The following TCTN1 variants were observed in gnomAD, a reference collection of about 807,000 sequenced individuals.
TCTN1 encodes tectonic-1.
A neutral mutation model predicts 65.8 loss-of-function variants in TCTN1; 58 were observed. That is an observed-to-expected ratio of 0.88 (90% confidence interval 0.71 to 1.10). The LOEUF is 1.10. Among genes scored for constraint, TCTN1 ranks in the 50% least tolerant of loss-of-function variants. The pLI is 0.00. For synonymous variants in TCTN1, 273 were observed against 289.1 expected (o/e 0.94, Z 0.57); for missense variants, 645 against 719.4 (o/e 0.90, Z 1.18).
At position 110,626,379 on chromosome 12, in the gene TCTN1, G is replaced by A. The variant is rs2065842339; in HGVS notation, c.359G>A (p.Cys120Tyr). 1 of 1,590,054 alleles carries A rather than the reference G, an allele frequency of 6.3e-7. No individual in the cohort carries two copies. The change falls in exon 3 of 15, where the codon TGT becomes TAT. Residue 120 changes from cysteine to tyrosine, a missense_variant. By Grantham distance (194) the Cys-to-Tyr change is radical (BLOSUM62 -2). Coordinates refer to ENST00000397659, the MANE Select transcript of TCTN1 (RefSeq NM_001082538.3). ...ATTTTCAGGGGCGACAGCCAGTTTTGTAGTCAAAAAGCAGTCATCTATTCA... is the reference window on the plus strand; with the variant it reads ...ATTTTCAGGGGCGACAGCCAGTTTTATAGTCAAAAAGCAGTCATCTATTCA... ...VPVVTGDSQF[C>Y]SQKAVIYSLN... is the part of the protein sequence containing the mutation.
intron 1 of TCTN1, among the ~76,000 whole-genome samples, chr12:110,618,348 C>T (rs1483814166): frequency 1.3e-5 from 2 of 152,110 alleles, no homozygotes; most frequent in Admixed American, 1.3e-4. Flanking sequence ...TCACGCCATT[C>T]TCCCGCCTCA....
rs1565997827 is a variant in TCTN1 at position 110,640,124 on chromosome 12, AC to A, written c.844-258del. Among the ~76,000 whole-genome samples the A allele has an allele frequency of 6.6e-6, 1 of 152,236 alleles. No individual in the cohort carries two copies. The highest frequency in any genetic ancestry group is 1.5e-5 in the Non-Finnish European group (1 of 68,038). ...ATAGTGCAGCTGTGAACATTTGTGT[AC>A]AAGTTTTTGTGTAAACTTTATGTTT... On this transcript the variant is annotated intron_variant, in intron 7 of 14. Transcript: ENST00000397659. This position sits in a 1 kb window ranked among gnomAD's most constrained non-coding sequence, Gnocchi z 4.9.
At chr12:110,643,487 A>G (rs543540296) in intron 11 of TCTN1, 1 of 152,156 alleles carries the variant, frequency 6.6e-6, no homozygotes, top group South Asian at 2.1e-4. Flanking sequence ...TCTACCCCCA[A>G]ATCTTGAAAT....
chr12:110,631,852 C>T (rs970801534), intron 4 of TCTN1, among the ~76,000 whole-genome samples: 16 of 152,062 alleles, frequency 1.1e-4, no homozygotes, highest in Non-Finnish European at 1.9e-4. Context: ...AATATTGATA[C>T]CAGATTGCCC....
intron 2 of TCTN1, among the ~76,000 whole-genome samples, chr12:110,624,726 T>C (rs2135957644): frequency 6.6e-6 from 1 of 152,184 alleles, no homozygotes; most frequent in East Asian, 1.9e-4. Flanking sequence ...TACAGGCACA[T>C]GCCACCACGC....
intron 2 of TCTN1, among the ~76,000 whole-genome samples, chr12:110,620,325 G>A (rs1287858692): frequency 1.3e-5 from 2 of 151,860 alleles, no homozygotes; most frequent in African/African-American, 4.8e-5. Flanking sequence ...GGAGAATGGC[G>A]TGAACCCGGG....
intron 5 of TCTN1, among the ~76,000 whole-genome samples, chr12:110,633,201 A>C (rs1231418001): frequency 2.6e-5 from 4 of 152,228 alleles, no homozygotes; most frequent in Admixed American, 6.5e-5. Flanking sequence ...AGTGGAAGGC[A>C]GCAGGCTTGG....
At chr12:110,632,205 T>C (rs1335813436) in intron 4 of TCTN1, among the ~76,000 whole-genome samples, 1 of 152,254 alleles carries the variant, frequency 6.6e-6, no homozygotes. Context: ...GGCAGATCGT[T>C]ATGTCATTGT....
rs901006602 is a variant in TCTN1, at chr12:110,647,500, A to G, written c.1635+164A>G. On this transcript the variant is annotated intron_variant, in intron 13 of 14. Transcript: ENST00000397659. ...TCTTAGAAACACTGACGATGGTTCT[A>G]CTTACATTAGCATTCTGGTTCAGAT... is the stretch of plus-strand genomic sequence containing the variant. The G allele has an allele frequency of 3.6e-5, 38 of 1,051,956 alleles. No homozygotes were observed. In the Admixed American group the frequency reaches 4.3e-4, roughly 12 times the overall value. The allele number at this position is 1,051,956 out of a possible 1,614,324, so 65.2% of individuals were successfully genotyped here. A position where few individuals can be genotyped will look rare whatever the true frequency, so the allele number is the denominator to read the frequency against.
At chr12:110,637,893 G>A (rs768920727) in intron 7 of TCTN1, among the ~76,000 whole-genome samples, 4 of 152,138 alleles carry the variant, frequency 2.6e-5, no homozygotes, top group Non-Finnish European at 5.9e-5. Context: ...CGCATTTAGT[G>A]ATGAATGACT....
chr12:110,616,307 A>C (rs2065032330), intron 1 of TCTN1: 1 of 445,580 alleles, frequency 2.2e-6, no homozygotes, highest in Non-Finnish European at 4.5e-6. Flanking sequence ...GCTGGAGTAT[A>C]GTGGCATGAT....
intron 1 of TCTN1, chr12:110,616,456 A>G: frequency 3.9e-6 from 1 of 256,556 alleles, no homozygotes; most frequent in Non-Finnish European, 8.3e-6. Context: ...CATGTTGCCC[A>G]GGCTGGTCTT....
intron 7 of TCTN1, among the ~76,000 whole-genome samples, chr12:110,638,923 A>G (rs2066767366): frequency 6.6e-6 from 1 of 152,192 alleles, no homozygotes; most frequent in South Asian, 2.1e-4. Context: ...GCGGCATGTT[A>G]TGCAGAGGGC....
At chr12:110,637,194 C>G (rs2066630939) in intron 7 of TCTN1, among the ~76,000 whole-genome samples, 1 of 152,218 alleles carries the variant, frequency 6.6e-6, no homozygotes, top group Non-Finnish European at 1.5e-5. Flanking sequence ...CCATTATTTT[C>G]TTGTCGGACT....
rs140764110 is a variant in TCTN1, at chr12:110,619,039, G to A, written c.221-797G>A. On this transcript the variant is annotated intron_variant, in intron 1 of 14. Coordinates refer to ENST00000397659, the MANE Select transcript of TCTN1 (RefSeq NM_001082538.3). ...TACAAAAAAAAAAAAAAAGTTGGGC[G>A]TGGTAGTGCATGCCTTTAATCCCAG... is the stretch of plus-strand genomic sequence containing the variant. 7.0e-3 allele frequency among the ~76,000 whole-genome samples: 1,055 copies of A among 151,654 alleles called. 1 individual carries two copies. Among genetic ancestry groups the A allele is most frequent in the Non-Finnish European group, 9.4e-3 (639 of 67,914 alleles).
Position 110,647,820 on chromosome 12 carries a change from A to C in TCTN1, c.1707A>C (p.Ala569=). Residue 569 remains alanine, a synonymous_variant, in exon 14 of 15, where the codon GCA becomes GCC. Coordinates refer to ENST00000397659, the MANE Select transcript of TCTN1 (RefSeq NM_001082538.3). ...CTTTTGTGGATGTGTCTGCACCTGC[A>C]GAGGCAGGCTTCAGAGCTCCACCAG... ...AVTFVDVSAP[A]EAGFRAPPAI... 6.2e-7 allele frequency: 1 copy of C among 1,614,208 alleles called. No homozygotes were observed. The highest frequency in any genetic ancestry group is 8.5e-7 in the Non-Finnish European group (1 of 1,180,036).
chr12:110,623,294 GC>G (rs984612054), intron 2 of TCTN1, among the ~76,000 whole-genome samples: 20 of 152,184 alleles, frequency 1.3e-4, no homozygotes, highest in African/African-American at 4.8e-4. Context: ...CCCAGCCTTG[GC>G]CATTGCCGTT....
rs762714353 is a variant in TCTN1 at position 110,636,451 on chromosome 12, C to T, written c.823-30C>T. The stretch of plus-strand genomic sequence containing the variant: ...AAATACTTCTTTTTGTTGTACTTAA[C>T]ACAATTTTTTGTGGTTTCTTTTTAT... On this transcript the variant is annotated intron_variant, in intron 6 of 14. Coordinates refer to ENST00000397659, the MANE Select transcript of TCTN1 (RefSeq NM_001082538.3). 2.2e-6 allele frequency: 3 copies of T among 1,357,734 alleles called. No homozygotes were observed. In the East Asian group the frequency reaches 7.1e-5, roughly 32 times the overall value. The allele number at this position is 1,357,734 out of a possible 1,614,324, so 84.1% of individuals were successfully genotyped here. A position where few individuals can be genotyped will look rare whatever the true frequency, so the allele number is the denominator to read the frequency against.
intron 11 of TCTN1, among the ~76,000 whole-genome samples, chr12:110,643,068 A>AT (rs372810344): frequency 0.011 from 1,593 of 139,198 alleles, 7 homozygotes; most frequent in Non-Finnish European, 0.013. Flanking sequence ...ATATTTTTGA[A>AT]TTTTTTTTTT....
Sources: gnomAD v4.1 joint callset for allele counts (sites outside exome capture counted in the v4.1 genomes callset) on GRCh38, gnomAD v4.1.1 for gene constraint, Gnocchi (gnomAD v3.1) non-coding constraint, MANE v1.5 for transcripts, NCBI Gene and HGNC (gene_info 2026-07-23, HGNC 2026-07-21) for gene names.